LYST: variants seen among roughly 807,000 people sequenced by gnomAD.
The protein encoded by LYST is lysosomal-trafficking regulator.
A neutral mutation model predicts 413.6 loss-of-function variants in LYST; 192 were observed. The ratio of observed to expected loss-of-function variants is 0.46; its 90% CI spans 0.41 to 0.52. LYST has a LOEUF of 0.52. LYST is among the 20% of genes least tolerant of loss of function. The probability of loss-of-function intolerance (pLI) is 0.00; values close to 1 mark genes in which losing one functional copy is unlikely to be tolerated. For synonymous variants in LYST, 1,525 were observed against 1,567.3 expected, an observed-to-expected ratio of 0.97 and a Z score of 0.64; for missense variants, 3,815 against 4,499.9, an observed-to-expected ratio of 0.85 and a Z score of 4.35.
At chr1:235,700,210 T>C (rs2103094535) in intron 45 of LYST, among the ~76,000 whole-genome samples, 1 of 152,222 alleles carries the variant, frequency 6.6e-6, no homozygotes, top group East Asian at 1.9e-4. Flanking sequence ...CAAAAGCAAT[T>C]GCAATAAGAG....
rs375235690 is a variant in LYST, at chr1:235,751,386, G to T, written c.7628-24C>A. ...ATCTAAAAACAGAAGATACTAGAAT[G>T]TTTTCAAGCTATGTGGTTACTAATT... On this transcript the variant is annotated intron_variant, in intron 27 of 52. Coordinates refer to ENST00000389793, the MANE Select transcript of LYST (RefSeq NM_000081.4). 3 of 1,603,384 alleles carry T rather than the reference G, an allele frequency of 1.9e-6. No individual in the cohort carries two copies. The African/African-American group carries it at 4.0e-5, about 21-fold the overall frequency.
intron 50 of LYST, 40 bp downstream of exon 50, chr1:235,677,051 G>A: frequency 1.4e-6 from 2 of 1,463,308 alleles, no homozygotes; most frequent in Non-Finnish European, 1.9e-6. Context: ...CGCTGTTAGA[G>A]CACCAGCCAG....
chr1:235,811,542 C>T (rs2102898027), intron 4 of LYST, among the ~76,000 whole-genome samples: 1 of 152,126 alleles, frequency 6.6e-6, no homozygotes, highest in East Asian at 1.9e-4. Flanking sequence ...TAGGGCCTGG[C>T]GTATGGTCAA....
At chr1:235,795,009 C>G (rs979121826) in intron 10 of LYST, among the ~76,000 whole-genome samples, 1 of 151,950 alleles carries the variant, frequency 6.6e-6, no homozygotes, top group Non-Finnish European at 1.5e-5. Context: ...CATTGGGGCA[C>G]ATCTAGTAAG....
intron 1 of LYST, among the ~76,000 whole-genome samples, chr1:235,858,376 ATAG>A (rs1199446964): frequency 1.4e-5 from 2 of 142,356 alleles, no homozygotes; most frequent in Non-Finnish European, 3.1e-5. Flanking sequence ...TGTTCAATGA[ATAG>A]TAGTTTTTAT....
chr1:235,757,397 G>A lies in LYST; in HGVS notation c.6943C>T (p.Leu2315Phe). ...AGCAAAACATCAGGCAGGATAAGAA[G>A]AACCCCACTTAGGAGTTCATATAAT... ...CGLYELLSGV[L>F]LILPDVLLED... Residue 2315 changes from leucine (L) to phenylalanine (F), a missense_variant, in exon 24 of 53, where the codon CTT becomes TTT. Leu to Phe is a conservative substitution (Grantham distance 22). Coordinates refer to ENST00000389793, the MANE Select transcript of LYST (RefSeq NM_000081.4). 6.2e-7 allele frequency: 1 copy of A among 1,613,402 alleles called. No homozygotes were observed. The highest frequency in any genetic ancestry group is 8.5e-7 in the Non-Finnish European group (1 of 1,179,680).
At chr1:235,803,497 A>G (rs1672472184) in intron 7 of LYST, among the ~76,000 whole-genome samples, 1 of 152,140 alleles carries the variant, frequency 6.6e-6, no homozygotes. Context: ...TAGAGCAGAC[A>G]AGACATTTTT....
chr1:235,721,667 C>T (rs928637197), intron 39 of LYST, among the ~76,000 whole-genome samples: 1 of 152,060 alleles, frequency 6.6e-6, no homozygotes, highest in South Asian at 2.1e-4. Context: ...GTGGAATAGG[C>T]AAAACCACAG....
chr1:235,751,263 T>C lies in LYST; in HGVS notation c.7727A>G (p.Gln2576Arg), dbSNP rs1666467587. The C allele has an allele frequency of 6.2e-7, 1 of 1,613,636 alleles. No homozygotes were observed. The highest frequency in any genetic ancestry group is 1.3e-5 in the African/African-American group (1 of 74,904). Residue 2576 changes from glutamine to arginine, a missense_variant, in exon 28 of 53, where the codon CAG becomes CGG. Physicochemically the swap from Gln to Arg is conservative, Grantham distance 43. Around this residue, in one of 4 missense-constraint regions of LYST, gnomAD observed 771 missense variants for 837.1 expected, o/e 0.92. Transcript: ENST00000389793. ...HDSENLTDSL[Q>R]SPSAPHHAVV... ...TGCATGATGGGGAGCAGAAGGTGAC[T>C]GGAGTGAATCTGTGAGGTTTTCAGA...
chr1:235,721,387 T>A (rs1663355643), intron 39 of LYST, among the ~76,000 whole-genome samples: 1 of 152,106 alleles, frequency 6.6e-6, no homozygotes, highest in African/African-American at 2.4e-5. Flanking sequence ...CCTATGTAAA[T>A]AGGATATTTG....
At chr1:235,746,631 T>C in intron 28 of LYST, 104 bp from the exon 29 acceptor site, 1 of 785,138 alleles carries the variant, frequency 1.3e-6, no homozygotes, top group Non-Finnish European at 2.2e-6. Context: ...AAAACAACCT[T>C]ATTTACTACA....
chr1:235,670,505 G>T (rs1405262051), intron 50 of LYST, among the ~76,000 whole-genome samples: 1 of 152,172 alleles, frequency 6.6e-6, no homozygotes, highest in Non-Finnish European at 1.5e-5. Flanking sequence ...ATCATCTCTT[G>T]TGAGGAGACG....
At chr1:235,824,357 T>C (rs1197499530) in intron 3 of LYST, among the ~76,000 whole-genome samples, 2 of 152,200 alleles carry the variant, frequency 1.3e-5, no homozygotes, top group South Asian at 2.1e-4. Context: ...TTTTGATATA[T>C]ATGTTGGCAA....
At chr1:235,879,585 A>G (rs1209798393) in intron 1 of LYST, among the ~76,000 whole-genome samples, 1 of 152,224 alleles carries the variant, frequency 6.6e-6, no homozygotes, top group Non-Finnish European at 1.5e-5. Flanking sequence ...ACCATTCATT[A>G]TACTCATCTT....
intron 20 of LYST, 76 bp downstream of exon 20, chr1:235,770,084 A>G (rs1336785165): frequency 1.4e-6 from 2 of 1,426,436 alleles, no homozygotes; most frequent in Non-Finnish European, 2.0e-6. Context: ...TGAAAGTGCC[A>G]CAAAAATTTG....
intron 48 of LYST, among the ~76,000 whole-genome samples, chr1:235,679,811 C>A (rs549861092): frequency 6.6e-6 from 1 of 152,126 alleles, no homozygotes; most frequent in Non-Finnish European, 1.5e-5. Context: ...TGGCACTCCC[C>A]AGCTTGCTTA....
At chr1:235,718,225 A>G (rs370575701) in intron 40 of LYST, among the ~76,000 whole-genome samples, 1 of 151,636 alleles carries the variant, frequency 6.6e-6, no homozygotes, top group East Asian at 1.9e-4. Flanking sequence ...CTATGTTAAT[A>G]GTTGTAGCTG....
At chr1:235,757,675 T>C (rs1667170507) in intron 23 of LYST, among the ~76,000 whole-genome samples, 1 of 152,224 alleles carries the variant, frequency 6.6e-6, no homozygotes, top group Admixed American at 6.5e-5. Context: ...TATTCAATTG[T>C]ACATCTCTGA....
intron 40 of LYST, 42 bp from the exon 41 acceptor site, chr1:235,716,820 C>T: frequency 1.7e-6 from 2 of 1,204,556 alleles, no homozygotes; most frequent in Non-Finnish European, 2.5e-6. Flanking sequence ...TATTTTGATA[C>T]TGTCAAGATT....
Sources: allele counts gnomAD v4.1 joint callset (sites outside exome capture counted in the v4.1 genomes callset), GRCh38; gene constraint gnomAD v4.1.1; regional missense constraint gnomAD v4.1.1; transcripts MANE v1.5; gene names NCBI Gene and HGNC (gene_info 2026-07-23, HGNC 2026-07-21).